SUPT5H: variants seen among roughly 807,000 people sequenced by gnomAD.
The protein encoded by SUPT5H is transcription elongation factor SPT5.
A neutral mutation model predicts 142.5 loss-of-function variants in SUPT5H; 24 were observed. The observed-to-expected ratio is 0.17, with a 90% CI of 0.12 to 0.24. The LOEUF is 0.24. SUPT5H is among the 10% of genes least tolerant of loss of function. SUPT5H has a pLI of 1.00. For missense variants in SUPT5H, 893 were observed against 1,471.8 expected (o/e 0.61, Z 6.43); for synonymous variants, 546 against 553.0 (o/e 0.99, Z 0.18).
intron 10 of SUPT5H, 141 bp downstream of exon 10, chr19:39,460,101 C>T (rs1356072384): frequency 1.3e-6 from 1 of 787,498 alleles, no homozygotes; most frequent in Non-Finnish European, 2.1e-6. Flanking sequence ...GGAATAAGAC[C>T]ACTGCCTAGA....
chr19:39,457,010 A>G (rs1307770067), intron 3 of SUPT5H, among the ~76,000 whole-genome samples: 1 of 152,212 alleles, frequency 6.6e-6, no homozygotes, highest in Non-Finnish European at 1.5e-5. Context: ...GGAGTTTTTC[A>G]TTATGTGCAT....
At chr19:39,449,648 T>G (rs891677595) in intron 2 of SUPT5H, among the ~76,000 whole-genome samples, 7 of 144,280 alleles carry the variant, frequency 4.9e-5, no homozygotes, top group Admixed American at 1.4e-4. Flanking sequence ...GTTAGTTTGG[T>G]TTTTTTTTTT....
chr19:39,461,835 AAAAAATAAT>A (rs1404311577), intron 10 of SUPT5H, among the ~76,000 whole-genome samples: 1 of 145,472 alleles, frequency 6.9e-6, no homozygotes, highest in Non-Finnish European at 1.5e-5. Context: ...AAAAAAAAAA[AAAAAATAAT>A]AATAATAATA....
chr19:39,476,481 C>T lies in SUPT5H; in HGVS notation c.*82C>T, dbSNP rs1243696870. Reference sequence around the variant, plus strand: ...GCCCTTGGCTGTGACACAAGATCCTCCTGCAGGGCTAGGCGGATTGTTCTG... The same window carrying T: ...GCCCTTGGCTGTGACACAAGATCCTTCTGCAGGGCTAGGCGGATTGTTCTG... On this transcript the variant is annotated 3_prime_UTR_variant, in exon 30 of 30. Transcript: ENST00000432763. 13 of 1,547,136 alleles carry T rather than the reference C, an allele frequency of 8.4e-6. No individual in the cohort carries two copies. Among genetic ancestry groups the T allele is most frequent in the Non-Finnish European group, 8.9e-6 (10 of 1,129,936 alleles).
At position 39,445,602 on chromosome 19, in the gene SUPT5H, G is replaced by A. The variant is rs912473607; in HGVS notation, c.-123G>A. Reference sequence around the variant, plus strand: ...GCCCCAGTCAGGCGTCGTGCGAACAGCAGCTGGTACCGAAGGCGGAGGTGG... The same window carrying A: ...GCCCCAGTCAGGCGTCGTGCGAACAACAGCTGGTACCGAAGGCGGAGGTGG... On this transcript the variant is annotated 5_prime_UTR_variant, in exon 1 of 30. Transcript: ENST00000432763. 2 of 429,168 alleles carry A rather than the reference G, an allele frequency of 4.7e-6. No homozygotes were observed. Among genetic ancestry groups the A allele is most frequent in the Non-Finnish European group, 8.7e-6 (2 of 229,510 alleles). The allele number at this position is 429,168 out of a possible 1,614,324, so 26.6% of individuals were successfully genotyped here.
Position 39,445,845 on chromosome 19 carries a change from T to C in SUPT5H, c.-46T>C, listed in dbSNP as rs748152642. ...CTGAGGCTCGGGGTGGAGCGCAGGA[T>C]TGTGGGACGCGCCAAGGCTGCTGTC... On this transcript the variant is annotated 5_prime_UTR_variant, in exon 2 of 30. Transcript: ENST00000432763. The C allele has an allele frequency of 2.4e-5, 39 of 1,603,796 alleles. No individual in the cohort carries two copies. Among genetic ancestry groups the C allele is most frequent in the South Asian group, 4.5e-5 (4 of 89,872 alleles).
Position 39,474,013 on chromosome 19 carries a change from C to T in SUPT5H, c.2543C>T (p.Pro848Leu). 3.7e-6 allele frequency: 6 copies of T among 1,613,820 alleles called. No homozygotes were observed. The South Asian group carries it at 4.4e-5, about 12-fold the overall frequency. The change falls in exon 26 of 30, where the codon CCG (proline) becomes CTG (leucine). Residue 848 changes from proline to leucine, a missense_variant. Physicochemically the swap from Pro to Leu is moderately conservative, Grantham distance 98. This residue lies in a region of SUPT5H where 336 missense variants were observed against 546.5 expected (regional missense o/e 0.61). Transcript: ENST00000432763. This position sits in a 1 kb window ranked among gnomAD's most constrained non-coding sequence, Gnocchi z 6.5. Reference sequence around the variant, plus strand: ...TTCGATGATGAGCCCACCCCGTCCCCGCAGGCCTATGGGGGAACCCCCAAT... The same window carrying T: ...TTCGATGATGAGCCCACCCCGTCCCTGCAGGCCTATGGGGGAACCCCCAAT... The part of the protein sequence containing the change: ...YAFDDEPTPS[P>L]QAYGGTPNPQ...
intron 10 of SUPT5H, among the ~76,000 whole-genome samples, chr19:39,462,653 C>A (rs964310235): frequency 6.6e-6 from 1 of 152,028 alleles, no homozygotes; most frequent in Admixed American, 6.6e-5. Context: ...GTCTCAATCT[C>A]CCAAGTAGCT....
chr19:39,474,939 A>G lies in SUPT5H; in HGVS notation c.3024+221A>G. 1.7e-6 allele frequency: 1 copy of G among 602,834 alleles called. No homozygotes were observed. Among genetic ancestry groups the G allele is most frequent in the South Asian group, 2.0e-5 (1 of 50,400 alleles). The allele number at this position is 602,834 out of a possible 1,614,324, so 37.3% of individuals were successfully genotyped here. On this transcript the variant is annotated intron_variant, in intron 28 of 29. Transcript: ENST00000432763. This position sits in a 1 kb window ranked among gnomAD's most constrained non-coding sequence, Gnocchi z 6.5. Reference sequence around the variant, plus strand: ...CCTGGGGAAGGAGAAATCTGAGCCAAGACCTGACAAATGAATAGGAGTAAG... The same window carrying G: ...CCTGGGGAAGGAGAAATCTGAGCCAGGACCTGACAAATGAATAGGAGTAAG...
chr19:39,464,832 A>G lies in SUPT5H; in HGVS notation c.659A>G (p.His220Arg). The change falls in exon 11 of 30, where the codon CAT becomes CGT. Residue 220 changes from histidine to arginine, a missense_variant. By Grantham distance (29) the His-to-Arg change is conservative. This residue lies in a region of SUPT5H where 428 missense variants were observed against 763.5 expected (regional missense o/e 0.56). Coordinates refer to ENST00000432763, the MANE Select transcript of SUPT5H (RefSeq NM_001111020.3). The stretch of plus-strand genomic sequence containing the variant: ...ATCAAGTCAGTAGTGGCACCAGAGC[A>G]TGTGAAGGGCTACATCTACGTGGAG... ...LQIKSVVAPE[H>R]VKGYIYVEAY... is the part of the protein sequence containing the mutation. 1 of 1,613,440 alleles carries G rather than the reference A, an allele frequency of 6.2e-7. No homozygotes were observed.
intron 2 of SUPT5H, among the ~76,000 whole-genome samples, chr19:39,450,250 A>G (rs1033733518): frequency 6.6e-6 from 1 of 150,600 alleles, no homozygotes; most frequent in African/African-American, 2.4e-5. Context: ...AGGAGGGAAT[A>G]TTTTCGTTGA....
At position 39,466,434 on chromosome 19, in the gene SUPT5H, A is replaced by G. The variant is rs777946443; in HGVS notation, c.877-46A>G. On this transcript the variant is annotated intron_variant, in intron 11 of 29. Transcript: ENST00000432763. The surrounding 1 kb of genome is among the most constrained non-coding windows in gnomAD (Gnocchi z 4.3). ...CCTGACCCTTCTTGTGTCTGGGGTC[A>G]GGGAGGAGAGTGGGGCCCTGCTGAC... is the stretch of plus-strand genomic sequence containing the variant. 1.3e-6 allele frequency: 2 copies of G among 1,554,418 alleles called. No individual in the cohort carries two copies. Among genetic ancestry groups the G allele is most frequent in the Middle Eastern group, 2.1e-4 (1 of 4,812 alleles).
At chr19:39,468,707 TTTC>T in intron 13 of SUPT5H, 46 bp from the exon 14 acceptor site, 1 of 1,564,906 alleles carries the variant, frequency 6.4e-7, no homozygotes, top group Non-Finnish European at 8.8e-7. Flanking sequence ...ACAGCAAGAT[TTTC>T]TTCTTGACTC....
chr19:39,468,426 G>A (rs146045240), intron 13 of SUPT5H: 11 of 381,710 alleles, frequency 2.9e-5, no homozygotes, highest in Non-Finnish European at 3.9e-5. Flanking sequence ...TGTGTACTGG[G>A]CACTATTCTT....
intron 10 of SUPT5H, among the ~76,000 whole-genome samples, chr19:39,460,833 G>T (rs74911223): frequency 6.6e-6 from 1 of 152,156 alleles, no homozygotes; most frequent in Admixed American, 6.6e-5. Flanking sequence ...CAGGGCAAAC[G>T]CTATGAAGGG....
Position 39,472,707 on chromosome 19 carries a change from A to T in SUPT5H, c.2036-103A>T. On this transcript the variant is annotated intron_variant, in intron 21 of 29. Transcript: ENST00000432763. This position sits in a 1 kb window ranked among gnomAD's most constrained non-coding sequence, Gnocchi z 4.2. ...GCAGGGGTGGGCAGAGGAGGCTCTT[A>T]ACCCAAGTAGGGAGGAGTCAAGCAA... 1 of 1,492,838 alleles carries T rather than the reference A, an allele frequency of 6.7e-7. No individual in the cohort carries two copies. The highest frequency in any genetic ancestry group is 1.3e-5 in the South Asian group (1 of 75,704). 92.5% of individuals were successfully genotyped at this position (1,492,838 alleles called of 1,614,324 possible).
chr19:39,460,225 T>C, intron 10 of SUPT5H: 1 of 463,048 alleles, frequency 2.2e-6, no homozygotes. Context: ...TTCCTGCACC[T>C]TTTCTTCATG....
rs189666160 is a variant in SUPT5H, at chr19:39,465,506, C to T, written c.876+457C>T. Among the ~76,000 whole-genome samples the T allele has an allele frequency of 3.9e-5, 6 of 152,306 alleles. No homozygotes were observed. In the East Asian group the frequency reaches 1.2e-3, roughly 29 times the overall value. On this transcript the variant is annotated intron_variant, in intron 11 of 29. Transcript: ENST00000432763. ...TCTGGTGACTGTGTTGAGACTAGAC[C>T]ACTGGTTCTCAAGCCAGGGTGATGT... is the stretch of plus-strand genomic sequence containing the variant.
intron 9 of SUPT5H, 41 bp from the exon 10 acceptor site, chr19:39,459,851 C>T (rs748780502): frequency 3.1e-6 from 5 of 1,607,040 alleles, no homozygotes; most frequent in Non-Finnish European, 3.4e-6. Flanking sequence ...GTCCTTTCCT[C>T]CATCCTGTCA....
Sources: allele counts gnomAD v4.1 joint callset (sites outside exome capture counted in the v4.1 genomes callset), GRCh38; gene constraint gnomAD v4.1.1; regional missense constraint gnomAD v4.1.1; non-coding constraint Gnocchi (gnomAD v3.1); transcripts MANE v1.5; gene names NCBI Gene and HGNC (gene_info 2026-07-23, HGNC 2026-07-21).